CUBN: variants seen among roughly 807,000 people sequenced by gnomAD.
CUBN encodes the protein cubilin.
A neutral mutation model predicts 405.3 loss-of-function variants in CUBN; 282 were observed. The observed-to-expected ratio is 0.70, with a 90% CI of 0.63 to 0.77. The LOEUF (loss-of-function observed/expected upper bound fraction) is 0.77. Among genes scored for constraint, CUBN ranks in the 30% least tolerant of loss-of-function variants. CUBN has a pLI of 0.00. For synonymous variants in CUBN, 1,684 were observed against 1,617.0 expected, an observed-to-expected ratio of 1.04 and a Z score of -0.99; for missense variants, 4,514 against 4,475.2, an observed-to-expected ratio of 1.01 and a Z score of -0.25.
intron 26 of CUBN, 109 bp downstream of exon 26, chr10:17,043,718 C>T: frequency 6.7e-7 from 1 of 1,489,356 alleles, no homozygotes; most frequent in African/African-American, 1.4e-5. Context: ...ACTCTAGGCA[C>T]TGAACAGCGA....
chr10:16,982,765 T>A, intron 30 of CUBN, 112 bp from the exon 31 acceptor site: 1 of 963,386 alleles, frequency 1.0e-6, no homozygotes, highest in Non-Finnish European at 1.6e-6. Context: ...AGTTAGTCGA[T>A]GCTAAAAACA....
chr10:17,090,424 C>T (rs2131284961), intron 14 of CUBN, among the ~76,000 whole-genome samples: 1 of 151,690 alleles, frequency 6.6e-6, no homozygotes, highest in East Asian at 1.9e-4. Context: ...AAAAGCTAGA[C>T]CTCTCATAAT....
chr10:17,006,790 C>T (rs1834040484), intron 28 of CUBN, among the ~76,000 whole-genome samples: 1 of 144,548 alleles, frequency 6.9e-6, no homozygotes, highest in Non-Finnish European at 1.5e-5. Context: ...CTTCTAATTT[C>T]TGAAACTTCT....
intron 27 of CUBN, among the ~76,000 whole-genome samples, chr10:17,026,610 G>A (rs1834670943): frequency 6.6e-6 from 1 of 150,590 alleles, no homozygotes; most frequent in East Asian, 2.0e-4. Flanking sequence ...CTCCAGCCTG[G>A]GAAACAGAGC....
intron 29 of CUBN, among the ~76,000 whole-genome samples, chr10:16,987,244 G>C (rs369934535): frequency 6.6e-6 from 1 of 152,128 alleles, no homozygotes; most frequent in Non-Finnish European, 1.5e-5. Context: ...AAATAAAACC[G>C]ATAGTACATG....
intron 40 of CUBN, among the ~76,000 whole-genome samples, chr10:16,932,855 GC>G (rs1419342193): frequency 6.6e-6 from 1 of 152,078 alleles, no homozygotes; most frequent in African/African-American, 2.4e-5. Context: ...CTCTAAAAAA[GC>G]CTTTTTTCCT....
In CUBN at chr10:16,862,160, T is replaced by TCTCTCTCTCACA. The variant is rs144560387; in HGVS notation, c.9454+7475_9454+7476insTGTGAGAGAGAG. Among the ~76,000 whole-genome samples the TCTCTCTCTCACA allele has an allele frequency of 3.9e-3, 518 of 131,194 alleles. 4 individuals carry two copies. Among genetic ancestry groups the TCTCTCTCTCACA allele is most frequent in the African/African-American group, 0.016 (491 of 30,768 alleles). The allele number at this position is 131,194 out of a possible 152,430, so 86.1% of individuals were successfully genotyped here. A position where few individuals can be genotyped will look rare whatever the true frequency, so the allele number is the denominator to read the frequency against. The stretch of plus-strand genomic sequence containing the variant: ...GAGACTCCGTCTCTCTCTCTCTCTC[T>TCTCTCTCTCACA]CACACACACACACACACACACACAC... On this transcript the variant is annotated intron_variant, in intron 59 of 66. Coordinates refer to ENST00000377833, the MANE Select transcript of CUBN (RefSeq NM_001081.4).
In CUBN at chr10:16,948,485, T is replaced by C. The variant is rs1266254039; in HGVS notation, c.5202A>G (p.Ser1734=). 1.2e-6 allele frequency: 2 copies of C among 1,613,992 alleles called. No individual in the cohort carries two copies. The highest frequency in any genetic ancestry group is 1.7e-6 in the Non-Finnish European group (2 of 1,179,934). ...AGGFHTTVTA[S]VSACGGTFYM... The stretch of plus-strand genomic sequence containing the variant: ...GGTGCTAGGGTTTCTTACCCGACAC[T>C]GATGCGGTGACCGTGGTGTGGAAAC... The change falls in exon 35 of 67, where the codon TCA becomes TCG. Residue 1734 remains serine, a synonymous_variant. Coordinates refer to ENST00000377833, the MANE Select transcript of CUBN (RefSeq NM_001081.4).
intron 27 of CUBN, among the ~76,000 whole-genome samples, chr10:17,038,844 C>T (rs1449672378): frequency 6.6e-6 from 1 of 152,170 alleles, no homozygotes; most frequent in Non-Finnish European, 1.5e-5. Context: ...CCTTTCTGAA[C>T]TTCTGGTTCT....
intron 45 of CUBN, among the ~76,000 whole-genome samples, chr10:16,916,914 A>G (rs904851249): frequency 6.6e-6 from 1 of 151,020 alleles, no homozygotes; most frequent in African/African-American, 2.4e-5. Flanking sequence ...TCCTGGGTTC[A>G]AGCAATTCTC....
intron 62 of CUBN, among the ~76,000 whole-genome samples, 164 bp from the exon 63 acceptor site, chr10:16,836,546 T>C (rs114653294): frequency 6.6e-6 from 1 of 152,222 alleles, no homozygotes; most frequent in Non-Finnish European, 1.5e-5. Flanking sequence ...GGCCTTGGAA[T>C]TGATGCAAGT....
chr10:17,112,068 G>A (rs547796803), intron 8 of CUBN, among the ~76,000 whole-genome samples: 201 of 152,308 alleles, frequency 1.3e-3, no homozygotes, highest in Middle Eastern at 3.4e-3. Context: ...GTGTCATTAG[G>A]AAGATGAGAT....
intron 63 of CUBN, among the ~76,000 whole-genome samples, chr10:16,835,990 T>G (rs1321224883): frequency 1.3e-5 from 2 of 152,306 alleles, no homozygotes; most frequent in East Asian, 3.9e-4. Flanking sequence ...CAACTACATA[T>G]ACTTTGAAGA....
chr10:16,975,670 C>T (rs2932906), intron 31 of CUBN, among the ~76,000 whole-genome samples: 45,306 of 140,458 alleles, frequency 0.32, 8,098 homozygotes, highest in Middle Eastern at 0.44. Flanking sequence ...CTCGCTGTGT[C>T]GCCAGGCTGG....
At chr10:16,901,926 C>CAT (rs1450695962) in intron 51 of CUBN, among the ~76,000 whole-genome samples, 1 of 127,724 alleles carries the variant, frequency 7.8e-6, no homozygotes, top group African/African-American at 2.7e-5. Flanking sequence ...TATACACACA[C>CAT]ACACACACAC....
chr10:17,088,474 A>T (rs1836178390), intron 14 of CUBN, 129 bp from the exon 15 acceptor site: 1 of 695,648 alleles, frequency 1.4e-6, no homozygotes, highest in African/African-American at 1.8e-5. Context: ...ACACCCTCAT[A>T]AATTAAAAAA....
At chr10:16,957,213 T>C (rs1843089226) in intron 31 of CUBN, among the ~76,000 whole-genome samples, 1 of 152,192 alleles carries the variant, frequency 6.6e-6, no homozygotes, top group Non-Finnish European at 1.5e-5. Flanking sequence ...CCCCAGCCTC[T>C]GGTAACCACT....
chr10:17,124,674 C>T (rs549365008), intron 4 of CUBN, among the ~76,000 whole-genome samples: 50 of 152,146 alleles, frequency 3.3e-4, no homozygotes, highest in Middle Eastern at 3.4e-3. Flanking sequence ...GTGATCCGCC[C>T]GCCTCAGCCT....
chr10:16,835,096 G>A lies in CUBN; in HGVS notation c.10280C>T (p.Ala3427Val). The A allele has an allele frequency of 1.2e-6, 2 of 1,614,150 alleles. No individual in the cohort carries two copies. Among genetic ancestry groups the A allele is most frequent in the Non-Finnish European group, 8.5e-7 (1 of 1,179,996 alleles). The change falls in exon 64 of 67, where the codon GCC becomes GTC. Residue 3427 changes from alanine to valine, a missense_variant. Ala to Val is a moderately conservative substitution (Grantham distance 64). Coordinates refer to ENST00000377833, the MANE Select transcript of CUBN (RefSeq NM_001081.4). ...NDKDCTVTLT[A>V]PQNHTISLFF... ...GAGGGAAATGGTGTGGTTCTGGGGG[G>A]CTGTGAGAGTAACGGTGCAATCCTT...
Sources: gnomAD v4.1 joint callset for allele counts (sites outside exome capture counted in the v4.1 genomes callset) on GRCh38, gnomAD v4.1.1 for gene constraint, MANE v1.5 for transcripts, NCBI Gene and HGNC (gene_info 2026-07-23, HGNC 2026-07-21) for gene names.